SRD5A2: variants seen among roughly 807,000 people sequenced by gnomAD.
SRD5A2 encodes steroid 5 alpha-reductase 2, also known as 3-oxo-5-alpha-steroid 4-dehydrogenase 2.
Under a neutral mutation model 27.4 loss-of-function variants are expected in SRD5A2, and 30 were observed. That is an observed-to-expected ratio of 1.10 (90% CI 0.82 to 1.49). SRD5A2 has a LOEUF of 1.49. Among genes scored for constraint, SRD5A2 ranks in the 40% most tolerant of loss-of-function variants. The pLI is 0.00. For synonymous variants in SRD5A2, 141 were observed against 133.6 expected, an observed-to-expected ratio of 1.06 and a Z score of -0.38; for missense variants, 348 against 323.4, an observed-to-expected ratio of 1.08 and a Z score of -0.58.
intron 1 of SRD5A2, among the ~76,000 whole-genome samples, chr2:31,572,747 G>A (rs1233387609): frequency 6.6e-6 from 1 of 152,216 alleles, no homozygotes; most frequent in African/African-American, 2.4e-5. Flanking sequence ...AGGGCAGGCA[G>A]AGAGGCAAGA....
intron 1 of SRD5A2, among the ~76,000 whole-genome samples, chr2:31,565,679 C>A (rs922071888): frequency 1.3e-5 from 2 of 151,752 alleles, no homozygotes; most frequent in African/African-American, 4.8e-5. Flanking sequence ...TGTCTCTATG[C>A]ATGTAATAAT....
the SRD5A2 span, among the ~76,000 whole-genome samples, chr2:31,614,543 T>G: frequency 6.6e-6 from 1 of 152,156 alleles, no homozygotes; most frequent in Non-Finnish European, 1.5e-5. Context: ...GATCTACCAT[T>G]CTGGGGTCCG....
At chr2:31,560,556 C>A (rs1666601154) in intron 1 of SRD5A2, among the ~76,000 whole-genome samples, 1 of 152,220 alleles carries the variant, frequency 6.6e-6, no homozygotes, top group Non-Finnish European at 1.5e-5. Context: ...ATGCTTTGCC[C>A]AATATAGGCC....
chr2:31,590,022 AT>A, the SRD5A2 span, among the ~76,000 whole-genome samples: 2 of 152,064 alleles, frequency 1.3e-5, no homozygotes, highest in African/African-American at 4.8e-5. Context: ...GACATGTATA[AT>A]GCAGTAGAGG....
intron 1 of SRD5A2, among the ~76,000 whole-genome samples, chr2:31,570,480 C>T (rs1666828502): frequency 6.6e-6 from 1 of 152,138 alleles, no homozygotes; most frequent in African/African-American, 2.4e-5. Flanking sequence ...TAAGGATACC[C>T]TCTCTCACCA....
chr2:31,633,456 C>G, the SRD5A2 span, among the ~76,000 whole-genome samples: 1 of 152,156 alleles, frequency 6.6e-6, no homozygotes, highest in Non-Finnish European at 1.5e-5. Flanking sequence ...CCATTTCAAT[C>G]CCTGTATCTT....
At chr2:31,625,094 ATT>A in the SRD5A2 span, among the ~76,000 whole-genome samples, 1 of 152,042 alleles carries the variant, frequency 6.6e-6, no homozygotes, top group Non-Finnish European at 1.5e-5. Context: ...TTTGATTTGC[ATT>A]TCTCTGATGA....
chr2:31,583,652 C>CAAAAAAAAAAGAAAAAAAAAAAAAA (rs1352139998), upstream of SRD5A2, among the ~76,000 whole-genome samples: 1 of 20,922 alleles, frequency 4.8e-5, no homozygotes, highest in African/African-American at 1.3e-4. Flanking sequence ...AAAAAAAAAC[C>CAAAAAAAAAAGAAAAAAAAAAAAAA]AAAAAAAAAG....
intron 1 of SRD5A2, among the ~76,000 whole-genome samples, chr2:31,560,435 T>G (rs947291893): frequency 3.3e-5 from 5 of 152,224 alleles, no homozygotes; most frequent in Non-Finnish European, 7.3e-5. Context: ...CAGCACTTTT[T>G]GTATTTCTGT....
At chr2:31,631,524 A>G in the SRD5A2 span, among the ~76,000 whole-genome samples, 46 of 152,212 alleles carry the variant, frequency 3.0e-4, no homozygotes, top group African/African-American at 1.1e-3. Flanking sequence ...TGTATTCTGG[A>G]GAATTCGGCC....
At position 31,523,840 on chromosome 2, in the gene SRD5A2, A is replaced by G. The variant is rs1480131960; in HGVS notation, c.*2356T>C. On this transcript the variant is annotated 3_prime_UTR_variant, in exon 5 of 5. Coordinates refer to ENST00000622030, the MANE Select transcript of SRD5A2 (RefSeq NM_000348.4). ...CACATACATATCCTAGCCCTAAACA[A>G]TGACAAACTGTCATTGAACACAACA... 1 of 219,680 alleles carries G rather than the reference A, an allele frequency of 4.6e-6. No individual in the cohort carries two copies. The highest frequency in any genetic ancestry group is 1.9e-4 in the South Asian group (1 of 5,400). The allele number at this position is 219,680 out of a possible 1,614,324, so 13.6% of individuals were successfully genotyped here. A position where few individuals can be genotyped will look rare whatever the true frequency, so the allele number is the denominator to read the frequency against.
chr2:31,590,651 G>T, the SRD5A2 span, among the ~76,000 whole-genome samples: 1 of 152,126 alleles, frequency 6.6e-6, no homozygotes, highest in Non-Finnish European at 1.5e-5. Flanking sequence ...AACAAAGCTG[G>T]AGGCATCATG....
At chr2:31,661,534 G>T in the SRD5A2 span, among the ~76,000 whole-genome samples, 1 of 152,146 alleles carries the variant, frequency 6.6e-6, no homozygotes, top group African/African-American at 2.4e-5. Flanking sequence ...TGGAACAAAA[G>T]GGAAATTAGT....
intron 1 of SRD5A2, among the ~76,000 whole-genome samples, chr2:31,554,961 G>C (rs1041032557): frequency 6.9e-6 from 1 of 145,650 alleles, no homozygotes; most frequent in Admixed American, 7.0e-5. Context: ...GTGTGTGTGT[G>C]TGTGTGTATG....
At chr2:31,553,264 C>T (rs983413519) in intron 1 of SRD5A2, among the ~76,000 whole-genome samples, 9 of 151,924 alleles carry the variant, frequency 5.9e-5, no homozygotes, top group African/African-American at 1.9e-4. Context: ...GTTAAGAAAG[C>T]CTAAGGGACA....
At chr2:31,652,109 C>T in the SRD5A2 span, among the ~76,000 whole-genome samples, 1 of 152,168 alleles carries the variant, frequency 6.6e-6, no homozygotes, top group African/African-American at 2.4e-5. Flanking sequence ...AGGCCCATGC[C>T]ACCACACCCA....
chr2:31,592,406 G>A, the SRD5A2 span, among the ~76,000 whole-genome samples: 1 of 152,106 alleles, frequency 6.6e-6, no homozygotes, highest in East Asian at 1.9e-4. Context: ...GAAAACGAGT[G>A]CACTAAACAA....
At chr2:31,620,135 T>C in the SRD5A2 span, among the ~76,000 whole-genome samples, 1 of 151,980 alleles carries the variant, frequency 6.6e-6, no homozygotes, top group South Asian at 2.1e-4. Context: ...AAATTCAACA[T>C]CCCTTCATGT....
chr2:31,577,514 G>A (rs1350595585), intron 1 of SRD5A2, among the ~76,000 whole-genome samples: 1 of 152,200 alleles, frequency 6.6e-6, no homozygotes, highest in Non-Finnish European at 1.5e-5. Flanking sequence ...CTTTGACCCT[G>A]TGGAATCTAC....
Sources: allele counts gnomAD v4.1 joint callset (sites outside exome capture counted in the v4.1 genomes callset), GRCh38; gene constraint gnomAD v4.1.1; transcripts MANE v1.5; gene names NCBI Gene and HGNC (gene_info 2026-07-23, HGNC 2026-07-21).